MACROD2: variants seen among roughly 807,000 people sequenced by gnomAD.
MACROD2 encodes mono-ADP ribosylhydrolase 2.
In MACROD2, 36 loss-of-function variants were observed where a neutral mutation model predicts 70.4. The ratio of observed to expected loss-of-function variants is 0.51; its 90% CI spans 0.39 to 0.68. The LOEUF (loss-of-function observed/expected upper bound fraction) is 0.68. Ranked by LOEUF, MACROD2 falls within the 30% of genes least tolerant of loss-of-function variation. MACROD2 has a pLI of 0.00. For missense variants in MACROD2, 496 were observed against 538.4 expected (o/e 0.92, Z 0.78); for synonymous variants, 172 against 178.8 (o/e 0.96, Z 0.30).
At chr20:14,638,356 C>T (rs912118282) in intron 4 of MACROD2, among the ~76,000 whole-genome samples, 2 of 151,944 alleles carry the variant, frequency 1.3e-5, no homozygotes, top group African/African-American at 4.8e-5. Context: ...TTTAAACAGT[C>T]CTGGGATTTT....
chr20:15,813,315 G>A (rs949674688), intron 8 of MACROD2, among the ~76,000 whole-genome samples: 1 of 152,172 alleles, frequency 6.6e-6, no homozygotes, highest in Admixed American at 6.5e-5. Context: ...AATGATGAAT[G>A]CTCATATAAA....
intron 5 of MACROD2, among the ~76,000 whole-genome samples, chr20:15,020,657 T>A (rs1260577711): frequency 6.6e-6 from 1 of 152,094 alleles, no homozygotes; most frequent in East Asian, 1.9e-4. Context: ...ACTACACACC[T>A]AGGCTATACT....
chr20:15,058,154 A>G (rs1432187892), intron 5 of MACROD2, among the ~76,000 whole-genome samples: 2 of 152,038 alleles, frequency 1.3e-5, no homozygotes, highest in Non-Finnish European at 2.9e-5. Context: ...TATACCAACC[A>G]TGTCTCCTCC....
At chr20:15,114,488 A>G (rs897554834) in intron 5 of MACROD2, among the ~76,000 whole-genome samples, 1 of 152,110 alleles carries the variant, frequency 6.6e-6, no homozygotes, top group African/African-American at 2.4e-5. Flanking sequence ...CCAACAAGAA[A>G]GTGAGGACAT....
chr20:15,531,454 A>T (rs1463447355), intron 8 of MACROD2, among the ~76,000 whole-genome samples: 1 of 152,106 alleles, frequency 6.6e-6, no homozygotes, highest in Non-Finnish European at 1.5e-5. Flanking sequence ...CACCTGTGTC[A>T]CCTCTAAGAT....
In MACROD2 at chr20:13,995,852, T is replaced by TTGGGGGGGGGGGGGGGGGGG; in HGVS notation, c.46+43_46+44insTGGGGGGGGGGGGGGGGGGG. 1 of 782,418 alleles carries TTGGGGGGGGGGGGGGGGGGG rather than the reference T, an allele frequency of 1.3e-6. No individual in the cohort carries two copies. Among genetic ancestry groups the TTGGGGGGGGGGGGGGGGGGG allele is most frequent in the East Asian group, 3.5e-5 (1 of 28,826 alleles). 48.5% of individuals were successfully genotyped at this position (782,418 alleles called of 1,614,324 possible). ...TCCTGGGGGTGCGGGCGGTGGGGGT[T>TTGGGGGGGGGGGGGGGGGGG]AGGGTGGGGGCGGGGGTCAGGCTGT... On this transcript the variant is annotated intron_variant, in intron 1 of 17. Transcript: ENST00000684519. The surrounding 1 kb of genome is among the most constrained non-coding windows in gnomAD (Gnocchi z 4.3).
chr20:15,105,900 A>G (rs1387633806), intron 5 of MACROD2, among the ~76,000 whole-genome samples: 4 of 152,130 alleles, frequency 2.6e-5, no homozygotes, highest in African/African-American at 9.7e-5. Context: ...CGTGGTGCCT[A>G]TAGGTAATAA....
At chr20:15,184,689 G>C (rs77094733) in intron 5 of MACROD2, among the ~76,000 whole-genome samples, 1,796 of 152,306 alleles carry the variant, frequency 0.012, 23 homozygotes, top group Middle Eastern at 0.031. Context: ...TCAGCCACCT[G>C]ATCTCAGCCA....
chr20:15,085,874 ACAC>A (rs2075744570), intron 5 of MACROD2, among the ~76,000 whole-genome samples: 1 of 7,814 alleles, frequency 1.3e-4, no homozygotes, highest in Non-Finnish European at 5.1e-4. Flanking sequence ...CACACACACA[ACAC>A]ACACACACAC....
At chr20:14,161,993 A>G (rs182483503) in intron 3 of MACROD2, among the ~76,000 whole-genome samples, 1 of 152,128 alleles carries the variant, frequency 6.6e-6, no homozygotes, top group East Asian at 1.9e-4. Flanking sequence ...AACTCTTTCT[A>G]CCTTTTTGAT....
At chr20:15,615,600 T>G (rs1296231135) in intron 8 of MACROD2, among the ~76,000 whole-genome samples, 1 of 152,024 alleles carries the variant, frequency 6.6e-6, no homozygotes, top group Non-Finnish European at 1.5e-5. Context: ...AGTGAAAGTA[T>G]GAGCAGAAGA....
chr20:15,159,383 T>A (rs984911702), intron 5 of MACROD2, among the ~76,000 whole-genome samples: 1 of 152,100 alleles, frequency 6.6e-6, no homozygotes, highest in Non-Finnish European at 1.5e-5. Context: ...TTTGCAGAAA[T>A]AAGAGTTCAA....
chr20:14,853,368 A>G (rs924423120), intron 5 of MACROD2, among the ~76,000 whole-genome samples: 2 of 152,060 alleles, frequency 1.3e-5, no homozygotes, highest in African/African-American at 2.4e-5. Context: ...GTTAGGTTGC[A>G]TAGGTGCTTC....
chr20:15,200,298 T>C (rs773381355), intron 5 of MACROD2, among the ~76,000 whole-genome samples: 7 of 152,220 alleles, frequency 4.6e-5, no homozygotes, highest in African/African-American at 7.2e-5. Context: ...ATATATTCAG[T>C]CACCTTCCTT....
chr20:14,974,905 C>A (rs760341436), intron 5 of MACROD2, among the ~76,000 whole-genome samples: 2 of 152,086 alleles, frequency 1.3e-5, no homozygotes, highest in African/African-American at 2.4e-5. Context: ...GAGCTGTTTG[C>A]ACAAAGGCAC....
intron 5 of MACROD2, among the ~76,000 whole-genome samples, chr20:15,127,682 G>A (rs2076076828): frequency 6.6e-6 from 1 of 152,082 alleles, no homozygotes; most frequent in Admixed American, 6.6e-5. Context: ...TAAGTGAAGA[G>A]GTAAAGGGAG....
chr20:14,303,006 A>G (rs2082489353), intron 3 of MACROD2, among the ~76,000 whole-genome samples: 1 of 152,222 alleles, frequency 6.6e-6, no homozygotes, highest in African/African-American at 2.4e-5. Flanking sequence ...TCACTGAAAG[A>G]TTGTTAAACA....
chr20:14,324,659 C>G (rs1471910650), intron 3 of MACROD2: 1 of 152,056 alleles, frequency 6.6e-6, no homozygotes, highest in African/African-American at 2.4e-5. Context: ...ATCATAAACA[C>G]TAACAATTTT....
rs369638012 is a variant in MACROD2, at chr20:14,950,485, T to G, written c.418+265526T>G. 4.6e-5 allele frequency among the ~76,000 whole-genome samples: 7 copies of G among 152,272 alleles called. 1 individual carries two copies. The highest frequency in any genetic ancestry group is 1.7e-4 in the African/African-American group (7 of 41,548). ...GTAAACATAGGAATTCTAGAATATT[T>G]TATCAAAGTAAGAATAACCTCTGTA... On this transcript the variant is annotated intron_variant, in intron 5 of 17. Transcript: ENST00000684519.
Sources: allele counts gnomAD v4.1 joint callset (sites outside exome capture counted in the v4.1 genomes callset), GRCh38; gene constraint gnomAD v4.1.1; non-coding constraint Gnocchi (gnomAD v3.1); transcripts MANE v1.5; gene names NCBI Gene and HGNC (gene_info 2026-07-23, HGNC 2026-07-21).